WBP2: variants seen among roughly 807,000 people sequenced by gnomAD.
WBP2 encodes WW domain binding protein 2.
Under a neutral mutation model 33.0 loss-of-function variants are expected in WBP2, and 23 were observed. The ratio of observed to expected loss-of-function variants is 0.70; its 90% confidence interval spans 0.50 to 0.99. The LOEUF (loss-of-function observed/expected upper bound fraction) is 0.99, where lower values mean the gene tolerates loss of function less well. WBP2 is among the 50% of genes least tolerant of loss of function. WBP2 has a pLI of 0.00. For missense variants in WBP2, 353 were observed against 358.0 expected (o/e 0.99, Z 0.11); for synonymous variants, 153 against 133.5 (o/e 1.15, Z -1.01).
chr17:75,854,782 C>A (rs1440887522), intron 1 of WBP2, among the ~76,000 whole-genome samples: 1 of 152,128 alleles, frequency 6.6e-6, no homozygotes, highest in Non-Finnish European at 1.5e-5. Context: ...GTTACTTAAC[C>A]TTTCTGCCCT....
chr17:75,855,897 C>G (rs1052729401), upstream of WBP2, among the ~76,000 whole-genome samples: 1 of 152,206 alleles, frequency 6.6e-6, no homozygotes, highest in African/African-American at 2.4e-5. Flanking sequence ...GGTGGGCTGG[C>G]GGCGTCGGAT....
chr17:75,850,250 C>CTT (rs777399596), intron 2 of WBP2, among the ~76,000 whole-genome samples: 1 of 110,850 alleles, frequency 9.0e-6, no homozygotes, highest in African/African-American at 3.7e-5. Context: ...CTTTTCTTTT[C>CTT]TTTTTTTTTT....
chr17:75,851,752 C>A, intron 1 of WBP2, 76 bp from the exon 2 acceptor site: 1 of 1,096,472 alleles, frequency 9.1e-7, no homozygotes, highest in African/African-American at 1.5e-5. Context: ...GGGCCTTTCT[C>A]CCAAGCAGCT....
chr17:75,847,148 C>T (rs543862441), intron 6 of WBP2, 164 bp from the exon 7 acceptor site: 28 of 757,830 alleles, frequency 3.7e-5, no homozygotes, highest in Middle Eastern at 3.3e-4. Flanking sequence ...CGCGCTGGCA[C>T]GGTCCTTTCC....
chr17:75,855,830 C>T (rs1415160185), upstream of WBP2, among the ~76,000 whole-genome samples: 3 of 152,258 alleles, frequency 2.0e-5, no homozygotes, highest in Non-Finnish European at 4.4e-5. Context: ...GTTTATGGGG[C>T]GCATGCGTGA....
In WBP2 at chr17:75,847,506, A is replaced by G. The variant is rs1215760935; in HGVS notation, c.636T>C (p.Asp212=). The part of the protein sequence containing the change: ...GPMEPPVSGP[D]VPSTPAAEAK... ...CCTCACCTGCAGGAGTGGAGGGGAC[A>G]TCGGGGCCGCTGACCGGAGGTTCCA... is the stretch of plus-strand genomic sequence containing the variant. The change falls in exon 6 of 8, where the codon GAT becomes GAC. Residue 212 remains aspartate (D), a synonymous_variant. Coordinates refer to ENST00000254806, the MANE Select transcript of WBP2 (RefSeq NM_012478.4). 1 of 1,591,386 alleles carries G rather than the reference A, an allele frequency of 6.3e-7. No individual in the cohort carries two copies. The highest frequency in any genetic ancestry group is 1.3e-5 in the African/African-American group (1 of 74,278).
At position 75,846,756 on chromosome 17, in the gene WBP2, G is replaced by C; in HGVS notation, c.764C>G (p.Pro255Arg). ...GGCCTACTGGGTCTTCTTATCTTCCGGTGGGTAGTAGGGAGGTGGCGGCGG... is the reference window on the plus strand; with the variant it reads ...GGCCTACTGGGTCTTCTTATCTTCCCGTGGGTAGTAGGGAGGTGGCGGCGG... ...SQPPPPPYYP[P>R]EDKKTQ Residue 255 changes from proline to arginine, a missense_variant, in exon 8 of 8, where the codon CCG becomes CGG. Physicochemically the swap from Pro to Arg is moderately radical, Grantham distance 103 (BLOSUM62 -2). Coordinates refer to ENST00000254806, the MANE Select transcript of WBP2 (RefSeq NM_012478.4). The surrounding 1 kb of genome is among the most constrained non-coding windows in gnomAD (Gnocchi z 4.8). 6.5e-7 allele frequency: 1 copy of C among 1,536,084 alleles called. No homozygotes were observed. Among genetic ancestry groups the C allele is most frequent in the Non-Finnish European group, 8.8e-7 (1 of 1,140,336 alleles).
At position 75,855,328 on chromosome 17, in the gene WBP2, A is replaced by T; in HGVS notation, c.-31T>A. ...CTCCAACAGGGGTCCCGAGACTCAA[A>T]ACGCAATGAGCTTGCGCCCCTCTTC... On this transcript the variant is annotated 5_prime_UTR_variant, in exon 1 of 8. Transcript: ENST00000254806. 6.2e-7 allele frequency: 1 copy of T among 1,609,212 alleles called. No individual in the cohort carries two copies. The highest frequency in any genetic ancestry group is 8.5e-7 in the Non-Finnish European group (1 of 1,179,166).
rs1567824520 is a variant in WBP2 at position 75,846,362 on chromosome 17, G to C, written c.*372C>G. On this transcript the variant is annotated 3_prime_UTR_variant, in exon 8 of 8. Coordinates refer to ENST00000254806, the MANE Select transcript of WBP2 (RefSeq NM_012478.4). The surrounding 1 kb of genome is among the most constrained non-coding windows in gnomAD (Gnocchi z 4.8). ...TGGCTGGTCTGAAGTGGCTCATGAGGCTGAGTGTAGCAGTGGGTGCCAGAC... is the reference window on the plus strand; with the variant it reads ...TGGCTGGTCTGAAGTGGCTCATGAGCCTGAGTGTAGCAGTGGGTGCCAGAC... 1 of 311,028 alleles carries C rather than the reference G, an allele frequency of 3.2e-6. No individual in the cohort carries two copies. The highest frequency in any genetic ancestry group is 6.2e-6 in the Non-Finnish European group (1 of 161,348). The allele number at this position is 311,028 out of a possible 1,614,324, so 19.3% of individuals were successfully genotyped here. A position where few individuals can be genotyped will look rare whatever the true frequency, so the allele number is the denominator to read the frequency against.
Position 75,846,749 on chromosome 17 carries a change from A to G in WBP2, c.771T>C (p.Asp257=). 2.0e-6 allele frequency: 3 copies of G among 1,531,642 alleles called. No individual in the cohort carries two copies. Among genetic ancestry groups the G allele is most frequent in the Non-Finnish European group, 2.6e-6 (3 of 1,137,964 alleles). The allele number at this position is 1,531,642 out of a possible 1,614,324, so 94.9% of individuals were successfully genotyped here. A position where few individuals can be genotyped will look rare whatever the true frequency, so the allele number is the denominator to read the frequency against. ...PPPPPYYPPE[D]KKTQ ...GCAGGAGGGCCTACTGGGTCTTCTT[A>G]TCTTCCGGTGGGTAGTAGGGAGGTG... Residue 257 remains aspartate (D), a synonymous_variant, in exon 8 of 8, where the codon GAT becomes GAC. Transcript: ENST00000254806. The surrounding 1 kb of genome is among the most constrained non-coding windows in gnomAD (Gnocchi z 4.8).
chr17:75,849,545 AG>A, intron 3 of WBP2, 58 bp downstream of exon 3: 1 of 1,604,070 alleles, frequency 6.2e-7, no homozygotes, highest in South Asian at 1.1e-5. Context: ...CGGCAGTCAG[AG>A]GTTCCCAGGA....
In WBP2 at chr17:75,846,567, C is replaced by T. The variant is rs1292808943; in HGVS notation, c.*167G>A. On this transcript the variant is annotated 3_prime_UTR_variant, in exon 8 of 8. Transcript: ENST00000254806. This position sits in a 1 kb window ranked among gnomAD's most constrained non-coding sequence, Gnocchi z 4.8. ...CATGGGAAGCTGGGCGGCACCTCTCCCGAGGCCGGGGGCCCTAATGTCCCA... is the reference window on the plus strand; with the variant it reads ...CATGGGAAGCTGGGCGGCACCTCTCTCGAGGCCGGGGGCCCTAATGTCCCA... The T allele has an allele frequency of 1.1e-6, 1 of 910,118 alleles. No individual in the cohort carries two copies. Among genetic ancestry groups the T allele is most frequent in the South Asian group, 1.5e-5 (1 of 67,050 alleles). 56.4% of individuals were successfully genotyped at this position (910,118 alleles called of 1,614,324 possible).
At chr17:75,850,154 G>C (rs989519939) in intron 2 of WBP2, among the ~76,000 whole-genome samples, 2 of 152,134 alleles carry the variant, frequency 1.3e-5, no homozygotes, top group African/African-American at 4.8e-5. Flanking sequence ...GCAGTAGGTC[G>C]CTAGCTCCCA....
At chr17:75,847,756 G>A in intron 5 of WBP2, 40 bp downstream of exon 5, 1 of 1,538,546 alleles carries the variant, frequency 6.5e-7, no homozygotes, top group Non-Finnish European at 8.8e-7. Flanking sequence ...TGGGTAGGTG[G>A]GCTCATGAGG....
In WBP2 at chr17:75,855,331, G is replaced by A. The variant is rs749551900; in HGVS notation, c.-34C>T. 6.2e-7 allele frequency: 1 copy of A among 1,609,296 alleles called. No homozygotes were observed. Among genetic ancestry groups the A allele is most frequent in the Non-Finnish European group, 8.5e-7 (1 of 1,179,168 alleles). On this transcript the variant is annotated 5_prime_UTR_variant, in exon 1 of 8. Coordinates refer to ENST00000254806, the MANE Select transcript of WBP2 (RefSeq NM_012478.4). The stretch of plus-strand genomic sequence containing the variant: ...CAACAGGGGTCCCGAGACTCAAAAC[G>A]CAATGAGCTTGCGCCCCTCTTCGCC...
upstream of WBP2, chr17:75,856,413 C>CT (rs1426469231): frequency 6.6e-6 from 1 of 152,250 alleles, no homozygotes; most frequent in Non-Finnish European, 1.5e-5. Context: ...ACCTGCTTGA[C>CT]TTCGCTTTCC....
At chr17:75,850,245 CTTTTCT>C (rs1567826798) in intron 2 of WBP2, among the ~76,000 whole-genome samples, 21 of 150,526 alleles carry the variant, frequency 1.4e-4, no homozygotes, top group East Asian at 3.9e-4. Flanking sequence ...TTTTTCTTTT[CTTTTCT>C]TTTTTTTTTT....
intron 2 of WBP2, among the ~76,000 whole-genome samples, chr17:75,850,407 G>A (rs941892482): frequency 1.6e-4 from 24 of 152,022 alleles, no homozygotes; most frequent in Non-Finnish European, 2.4e-4. Context: ...CACCATGCCC[G>A]GCTAATTTTT....
At chr17:75,849,070 G>C in intron 3 of WBP2, 2 of 272,932 alleles carry the variant, frequency 7.3e-6, no homozygotes, top group Non-Finnish European at 1.4e-5. Context: ...CTCGTCCTAA[G>C]GGGGCCCAAG....
Sources: gnomAD v4.1 joint callset for allele counts (sites outside exome capture counted in the v4.1 genomes callset) on GRCh38, gnomAD v4.1.1 for gene constraint, Gnocchi (gnomAD v3.1) non-coding constraint, MANE v1.5 for transcripts, NCBI Gene and HGNC (gene_info 2026-07-23, HGNC 2026-07-21) for gene names.